HAUS1: variants seen among roughly 807,000 people sequenced by gnomAD.
HAUS1 encodes the protein HAUS augmin-like complex subunit 1.
A neutral mutation model predicts 38.6 loss-of-function variants in HAUS1; 25 were observed. The observed-to-expected ratio is 0.65, with a 90% CI of 0.47 to 0.91. The LOEUF (loss-of-function observed/expected upper bound fraction) is 0.91, where lower values mean the gene tolerates loss of function less well. Ranked by LOEUF, HAUS1 falls within the 40% of genes least tolerant of loss-of-function variation. HAUS1 has a pLI of 0.00. For missense variants in HAUS1, 325 were observed against 328.4 expected (o/e 0.99, Z 0.08); for synonymous variants, 109 against 112.9 (o/e 0.97, Z 0.22).
chr18:46,115,626 T>C (rs1318788461), intron 2 of HAUS1, among the ~76,000 whole-genome samples: 2 of 150,080 alleles, frequency 1.3e-5, no homozygotes, highest in African/African-American at 2.4e-5. Context: ...AGACCCTGCC[T>C]CAAAAAAAAA....
At chr18:46,124,333 C>T (rs2144265348) in intron 6 of HAUS1, among the ~76,000 whole-genome samples, 1 of 149,812 alleles carries the variant, frequency 6.7e-6, no homozygotes, top group East Asian at 2.0e-4. Flanking sequence ...AGAAGAATCA[C>T]TTGAACTCAG....
chr18:46,113,113 C>T (rs1177304636), intron 2 of HAUS1, among the ~76,000 whole-genome samples: 2 of 100,562 alleles, frequency 2.0e-5, no homozygotes, highest in South Asian at 3.5e-4. Context: ...GGGTCTCACT[C>T]TGTTGCCCAG....
intron 2 of HAUS1, among the ~76,000 whole-genome samples, chr18:46,111,790 C>T (rs1451829595): frequency 6.6e-6 from 1 of 151,438 alleles, no homozygotes; most frequent in Non-Finnish European, 1.5e-5. Context: ...ACTTCTTTCT[C>T]TTTTCTCTCC....
chr18:46,114,238 T>C (rs1911746074), intron 2 of HAUS1, among the ~76,000 whole-genome samples: 1 of 152,218 alleles, frequency 6.6e-6, no homozygotes, highest in Non-Finnish European at 1.5e-5. Context: ...ACTTCTACTC[T>C]TTTTGAGATT....
At chr18:46,122,318 A>AAC (rs1911965086) in intron 4 of HAUS1, 149 bp from the exon 5 acceptor site, 1 of 685,836 alleles carries the variant, frequency 1.5e-6, no homozygotes, top group Non-Finnish European at 2.4e-6. Flanking sequence ...AAAAAAAAAA[A>AAC]ACCCAGAGTG....
At chr18:46,112,037 C>T (rs1599809247) in intron 2 of HAUS1, among the ~76,000 whole-genome samples, 1 of 150,140 alleles carries the variant, frequency 6.7e-6, no homozygotes, top group African/African-American at 2.4e-5. Context: ...AGGCATGCAC[C>T]ACCACACCCG....
At chr18:46,113,207 G>T (rs1345598079) in intron 2 of HAUS1, among the ~76,000 whole-genome samples, 1 of 150,828 alleles carries the variant, frequency 6.6e-6, no homozygotes, top group Admixed American at 6.7e-5. Context: ...CTCCCAAGTA[G>T]CTGGGACTAC....
At chr18:46,126,636 T>C (rs1413651166) in intron 8 of HAUS1, 1 of 151,604 alleles carries the variant, frequency 6.6e-6, no homozygotes, top group Non-Finnish European at 1.5e-5. Flanking sequence ...TTCTTTTTTT[T>C]TTTTTTGAGA....
In HAUS1 at chr18:46,128,176, T is replaced by A. The variant is rs773631584; in HGVS notation, c.*51T>A. 1 of 1,146,924 alleles carries A rather than the reference T, an allele frequency of 8.7e-7. No individual in the cohort carries two copies. Among genetic ancestry groups the A allele is most frequent in the East Asian group, 2.5e-5 (1 of 40,620 alleles). 71.0% of individuals were successfully genotyped at this position (1,146,924 alleles called of 1,614,324 possible). ...CCTAACAAAGTAAATTGAATAGGAC[T>A]TTACAGAGTTCTTTTTCCTCTTGGC... On this transcript the variant is annotated 3_prime_UTR_variant, in exon 9 of 9. Coordinates refer to ENST00000282058, the MANE Select transcript of HAUS1 (RefSeq NM_138443.4).
Position 46,117,666 on chromosome 18 carries a change from C to T in HAUS1, c.206-515C>T, listed in dbSNP as rs201064519. ...CTAGTCTCTATAAGAAAAAATAAAC[C>T]GGGGGCAGTGGCTTACGCTTGTAAT... On this transcript the variant is annotated intron_variant, in intron 2 of 8. Coordinates refer to ENST00000282058, the MANE Select transcript of HAUS1 (RefSeq NM_138443.4). Among the ~76,000 whole-genome samples the T allele has an allele frequency of 2.5e-4, 38 of 151,760 alleles. 1 individual carries two copies. In the East Asian group the frequency reaches 4.9e-3, roughly 20 times the overall value.
At chr18:46,122,625 T>A in intron 5 of HAUS1, 35 bp downstream of exon 5, 1 of 1,611,044 alleles carries the variant, frequency 6.2e-7, no homozygotes, top group Non-Finnish European at 8.5e-7. Context: ...TTAGCTCTCT[T>A]CGGCCTGATT....
rs1169582720 is a variant in HAUS1, at chr18:46,118,261, A to C, written c.286A>C (p.Asn96His). Reference sequence around the variant, plus strand: ...CTCTAGCACTGGTTCCAGGTATCTGAATGCTTTGGTTGACAGTGCGGTGGC... The same window carrying C: ...CTCTAGCACTGGTTCCAGGTATCTGCATGCTTTGGTTGACAGTGCGGTGGC... ...NLSSTGSRYL[N>H]ALVDSAVALE... Residue 96 changes from asparagine (N) to histidine (H), a missense_variant, in exon 3 of 9, where the codon AAT (asparagine) becomes CAT (histidine). Coordinates refer to ENST00000282058, the MANE Select transcript of HAUS1 (RefSeq NM_138443.4). The C allele has an allele frequency of 3.7e-6, 6 of 1,612,866 alleles. No homozygotes were observed. In the East Asian group the frequency reaches 1.3e-4, roughly 36 times the overall value.
chr18:46,120,135 C>A, intron 4 of HAUS1, 75 bp downstream of exon 4: 1 of 1,036,722 alleles, frequency 9.6e-7, no homozygotes, highest in Non-Finnish European at 1.4e-6. Flanking sequence ...TTAGTTTTGG[C>A]AGTAGGTGTG....
chr18:46,119,782 G>T, intron 3 of HAUS1, 144 bp from the exon 4 acceptor site: 1 of 624,294 alleles, frequency 1.6e-6, no homozygotes. Context: ...CAGGCAATGG[G>T]AACAGTGTGT....
At chr18:46,127,586 A>C (rs1912143746) in intron 8 of HAUS1, among the ~76,000 whole-genome samples, 2 of 151,912 alleles carry the variant, frequency 1.3e-5, no homozygotes, top group Admixed American at 1.3e-4. Context: ...GGGCGCCTGT[A>C]ATCTCAGCTA....
chr18:46,113,026 T>A (rs1401350112), intron 2 of HAUS1, among the ~76,000 whole-genome samples: 3 of 109,154 alleles, frequency 2.7e-5, no homozygotes, highest in Non-Finnish European at 5.6e-5. Context: ...TATTCCATAT[T>A]ATATATATAA....
chr18:46,120,474 T>TC (rs1911905807), intron 4 of HAUS1, among the ~76,000 whole-genome samples: 1 of 152,070 alleles, frequency 6.6e-6, no homozygotes, highest in African/African-American at 2.4e-5. Context: ...CCTCAGGTGA[T>TC]CCGCCCGCCT....
rs745571493 is a variant in HAUS1 at position 46,125,787 on chromosome 18, AACTAGTAAGTAGT to A, written c.783_786+9del. ...GTGAAAATTGAAGAAGCAAAGCGAG[AACTAGTAAGTAGT>A]TCCTGTAATTTTTTCAGATTTTTTT... On this transcript the variant is annotated splice_donor_variant and splice_donor_5th_base_variant and coding_sequence_variant and intron_variant, in exon 8 of 9. Transcript: ENST00000282058. LOFTEE classifies it high-confidence loss of function. The A allele has an allele frequency of 1.7e-5, 27 of 1,591,636 alleles. No homozygotes were observed. The highest frequency in any genetic ancestry group is 2.2e-5 in the Non-Finnish European group (26 of 1,162,892).
intron 4 of HAUS1, among the ~76,000 whole-genome samples, chr18:46,120,629 A>C (rs565743394): frequency 4.6e-5 from 7 of 151,960 alleles, no homozygotes; most frequent in Non-Finnish European, 7.4e-5. Flanking sequence ...TGAGACACCC[A>C]GGCTGGAGTG....
Sources: allele counts gnomAD v4.1 joint callset (sites outside exome capture counted in the v4.1 genomes callset), GRCh38; gene constraint gnomAD v4.1.1; transcripts MANE v1.5; gene names NCBI Gene and HGNC (gene_info 2026-07-23, HGNC 2026-07-21).